Variants in PLBD2 observed in about 807,000 individuals in gnomAD.
PLBD2 encodes putative aminopeptidase PLBD2.
PLBD2 carries 51 observed loss-of-function variants against 68.3 expected under a neutral mutation model. That is an observed-to-expected ratio of 0.75 (90% CI 0.60 to 0.94). The LOEUF (loss-of-function observed/expected upper bound fraction) is 0.94, where lower values mean the gene tolerates loss of function less well. PLBD2 is among the 40% of genes least tolerant of loss of function. PLBD2 has a pLI of 0.00. For synonymous variants in PLBD2, 314 were observed against 339.3 expected, an observed-to-expected ratio of 0.93 and a Z score of 0.82; for missense variants, 729 against 792.2, an observed-to-expected ratio of 0.92 and a Z score of 0.96.
At position 113,380,770 on chromosome 12, in the gene PLBD2, C is replaced by G. The variant is rs138911708; in HGVS notation, c.885C>G (p.Asn295Lys). The G allele has an allele frequency of 2.6e-5, 40 of 1,553,342 alleles. No individual in the cohort carries two copies. Among genetic ancestry groups the G allele is most frequent in the Non-Finnish European group, 3.5e-5 (40 of 1,148,458 alleles). ...GGGACTACCCGCTGGTTCCCGGCAACAAGCTGGTCTTCTCCTCCTACCCCG... is the reference window on the plus strand; with the variant it reads ...GGGACTACCCGCTGGTTCCCGGCAAGAAGCTGGTCTTCTCCTCCTACCCCG... ...PWGDYPLVPG[N>K]KLVFSSYPGT... The change falls in exon 6 of 12, where the codon AAC (asparagine) becomes AAG (lysine). Residue 295 changes from asparagine to lysine, a missense_variant. Physicochemically the swap from Asn to Lys is moderately conservative, Grantham distance 94 (BLOSUM62 0). Coordinates refer to ENST00000280800, the MANE Select transcript of PLBD2 (RefSeq NM_173542.4).
At chr12:113,366,190 C>A (rs1957340640) in intron 1 of PLBD2, among the ~76,000 whole-genome samples, 1 of 152,164 alleles carries the variant, frequency 6.6e-6, no homozygotes, top group Non-Finnish European at 1.5e-5. Context: ...GGCTTTTTAG[C>A]CAACTTCCCA....
At chr12:113,387,673 T>G in intron 10 of PLBD2, 71 bp from the exon 11 acceptor site, 2 of 1,513,404 alleles carry the variant, frequency 1.3e-6, no homozygotes, top group Non-Finnish European at 1.8e-6. Flanking sequence ...GGGCTGCCTG[T>G]GAGGATTTTG....
chr12:113,363,401 A>C (rs533355074), intron 1 of PLBD2, among the ~76,000 whole-genome samples: 14 of 152,318 alleles, frequency 9.2e-5, no homozygotes, highest in African/African-American at 3.1e-4. Flanking sequence ...AGTGCACTCC[A>C]GCCTGGGTGA....
chr12:113,375,979 G>C (rs1181749632), intron 5 of PLBD2, among the ~76,000 whole-genome samples: 1 of 148,260 alleles, frequency 6.7e-6, no homozygotes, highest in Non-Finnish European at 1.5e-5. Flanking sequence ...TCAGCCTCTC[G>C]AGTAGCTGGG....
chr12:113,375,170 G>A, intron 5 of PLBD2, 163 bp downstream of exon 5: 1 of 680,348 alleles, frequency 1.5e-6, no homozygotes, highest in Non-Finnish European at 2.5e-6. Flanking sequence ...TTTTGAGTTG[G>A]GGTCTTGCTC....
At chr12:113,368,082 GAAA>G (rs71086161) in intron 1 of PLBD2, among the ~76,000 whole-genome samples, 14 of 142,532 alleles carry the variant, frequency 9.8e-5, no homozygotes, top group Admixed American at 6.3e-4. Context: ...TCTGTCTCAG[GAAA>G]AAAAAAAAAC....
At chr12:113,385,655 C>G (rs2136923417) in intron 9 of PLBD2, among the ~76,000 whole-genome samples, 1 of 152,338 alleles carries the variant, frequency 6.6e-6, no homozygotes, top group African/African-American at 2.4e-5. Context: ...CACTAGAGTT[C>G]CTGTTCCCAT....
Position 113,384,726 on chromosome 12 carries a change from T to C in PLBD2, c.1119-125T>C, listed in dbSNP as rs1048753802. Reference sequence around the variant, plus strand: ...TCATGCTGCAGCGTCAGGGTGTCAGTTGAATGGCTGGACAACCCCAGGCCC... The same window carrying C: ...TCATGCTGCAGCGTCAGGGTGTCAGCTGAATGGCTGGACAACCCCAGGCCC... On this transcript the variant is annotated intron_variant, in intron 7 of 11. Transcript: ENST00000280800. The surrounding 1 kb of genome is among the most constrained non-coding windows in gnomAD (Gnocchi z 4.2). The C allele has an allele frequency of 1.4e-6, 1 of 715,794 alleles. No homozygotes were observed. Among genetic ancestry groups the C allele is most frequent in the Admixed American group, 2.2e-5 (1 of 44,844 alleles). The allele number at this position is 715,794 out of a possible 1,614,324, so 44.3% of individuals were successfully genotyped here. A position where few individuals can be genotyped will look rare whatever the true frequency, so the allele number is the denominator to read the frequency against.
Position 113,388,600 on chromosome 12 carries a change from G to C in PLBD2, c.1744G>C (p.Ala582Pro), listed in dbSNP as rs370076952. The change falls in exon 12 of 12, where the codon GCG becomes CCG. Residue 582 changes from alanine to proline, a missense_variant. Coordinates refer to ENST00000280800, the MANE Select transcript of PLBD2 (RefSeq NM_173542.4). The stretch of plus-strand genomic sequence containing the variant: ...GGGCCAGCCAGACCTCTGGAAGTTC[G>C]CGCCTGTCAAGGTTTCATGGGACTG... ...HMGQPDLWKF[A>P]PVKVSWD 1 of 1,596,076 alleles carries C rather than the reference G, an allele frequency of 6.3e-7. No individual in the cohort carries two copies.
rs1244692259 is a variant in PLBD2 at position 113,389,164 on chromosome 12, C to T, written c.*538C>T. 3.9e-5 allele frequency: 6 copies of T among 152,776 alleles called. No homozygotes were observed. The highest frequency in any genetic ancestry group is 1.2e-4 in the African/African-American group (5 of 41,462). 9.5% of individuals were successfully genotyped at this position (152,776 alleles called of 1,614,324 possible). A position where few individuals can be genotyped will look rare whatever the true frequency, so the allele number is the denominator to read the frequency against. On this transcript the variant is annotated 3_prime_UTR_variant, in exon 12 of 12. Transcript: ENST00000280800. ...CTCGTCTCCCTTTCTGGGCAGCTTC[C>T]TTGAGGACAGAAACTTGAAAACAAA... is the stretch of plus-strand genomic sequence containing the variant.
At chr12:113,364,198 T>G (rs992299636) in intron 1 of PLBD2, among the ~76,000 whole-genome samples, 10 of 152,224 alleles carry the variant, frequency 6.6e-5, no homozygotes, top group Non-Finnish European at 1.2e-4. Context: ...ACTGCCCGTC[T>G]CCGGGGCCTC....
chr12:113,380,252 C>T lies in PLBD2; in HGVS notation c.860-493C>T, dbSNP rs943602320. ...CCCGGGTTCACGCCATTCTCCTGACCCAGCCTCCCAAGTAGCTGGGACTAT... is the reference window on the plus strand; with the variant it reads ...CCCGGGTTCACGCCATTCTCCTGACTCAGCCTCCCAAGTAGCTGGGACTAT... On this transcript the variant is annotated intron_variant, in intron 5 of 11. Transcript: ENST00000280800. 3.9e-5 allele frequency among the ~76,000 whole-genome samples: 6 copies of T among 152,074 alleles called. No homozygotes were observed. In the South Asian group the frequency reaches 1.2e-3, roughly 32 times the overall value.
chr12:113,364,206 C>T (rs1957321747), intron 1 of PLBD2, among the ~76,000 whole-genome samples: 1 of 152,252 alleles, frequency 6.6e-6, no homozygotes, highest in South Asian at 2.1e-4. Context: ...TCTCCGGGGC[C>T]TCAGTGCCGA....
At chr12:113,363,631 G>A (rs1002299531) in intron 1 of PLBD2, among the ~76,000 whole-genome samples, 5 of 145,356 alleles carry the variant, frequency 3.4e-5, no homozygotes, top group Non-Finnish European at 6.0e-5. Context: ...TCCGCCTCCC[G>A]GGTTCACGCC....
chr12:113,369,059 C>A, intron 1 of PLBD2, 57 bp from the exon 2 acceptor site: 1 of 1,207,132 alleles, frequency 8.3e-7, no homozygotes, highest in Non-Finnish European at 1.2e-6. Flanking sequence ...CTGGAGATGC[C>A]ATGTGTCTAG....
intron 3 of PLBD2, among the ~76,000 whole-genome samples, chr12:113,373,645 C>T (rs1957409679): frequency 6.6e-6 from 1 of 151,492 alleles, no homozygotes; most frequent in South Asian, 2.1e-4. Flanking sequence ...TCCATCTATT[C>T]ACTCACTCAT....
At chr12:113,366,177 G>A (rs1358458173) in intron 1 of PLBD2, among the ~76,000 whole-genome samples, 5 of 152,032 alleles carry the variant, frequency 3.3e-5, no homozygotes, top group African/African-American at 4.8e-5. Context: ...GGAAGTGTTC[G>A]ATGGCTTTTT....
At chr12:113,358,974 C>T (rs1957262247) in intron 1 of PLBD2, 84 bp downstream of exon 1, 1 of 1,383,676 alleles carries the variant, frequency 7.2e-7, no homozygotes, top group South Asian at 1.5e-5. Flanking sequence ...CGGGACCGGC[C>T]TCTTGCCGGG....
In PLBD2 at chr12:113,372,867, C is replaced by T. The variant is rs1230393072; in HGVS notation, c.543+60C>T. ...TTCCAGCTGGCCAGCCATCCTGTCTCCTGTTGTTCTGGCCAGCCTTGTGGC... is the reference window on the plus strand; with the variant it reads ...TTCCAGCTGGCCAGCCATCCTGTCTTCTGTTGTTCTGGCCAGCCTTGTGGC... On this transcript the variant is annotated intron_variant, in intron 3 of 11. Transcript: ENST00000280800. This position sits in a 1 kb window ranked among gnomAD's most constrained non-coding sequence, Gnocchi z 4.2. The T allele has an allele frequency of 3.2e-6, 5 of 1,576,638 alleles. No individual in the cohort carries two copies. Among genetic ancestry groups the T allele is most frequent in the Non-Finnish European group, 4.3e-6 (5 of 1,161,896 alleles).
Sources: allele counts gnomAD v4.1 joint callset (sites outside exome capture counted in the v4.1 genomes callset), GRCh38; gene constraint gnomAD v4.1.1; non-coding constraint Gnocchi (gnomAD v3.1); transcripts MANE v1.5; gene names NCBI Gene and HGNC (gene_info 2026-07-23, HGNC 2026-07-21).